The following DPY30 variants were observed in gnomAD, a reference collection of about 807,000 sequenced individuals.
DPY30 encodes the protein dpy-30 histone methyltransferase complex regulatory subunit, also known as protein dpy-30 homolog.
DPY30 carries 6 observed loss-of-function variants against 16.2 expected under a neutral mutation model. The observed-to-expected ratio is 0.37, with a 90% CI of 0.20 to 0.73. The LOEUF is 0.73. Ranked by LOEUF, DPY30 falls within the 30% of genes least tolerant of loss-of-function variation. DPY30 has a pLI of 0.51. For synonymous variants in DPY30, 39 were observed against 38.8 expected, an observed-to-expected ratio of 1.00 and a Z score of -0.02; for missense variants, 73 against 113.1, an observed-to-expected ratio of 0.65 and a Z score of 1.61.
chr2:32,039,601 G>A, intron 1 of DPY30, 109 bp from the exon 2 acceptor site: 2 of 1,045,264 alleles, frequency 1.9e-6, no homozygotes, highest in Non-Finnish European at 2.8e-6. Context: ...ACCTGGGCGC[G>A]GGAGCACCAC....
At chr2:32,015,476 G>A (rs529111036) in intron 5 of DPY30, among the ~76,000 whole-genome samples, 9 of 152,084 alleles carry the variant, frequency 5.9e-5, no homozygotes, top group South Asian at 2.1e-4. Flanking sequence ...CCAATGTTTT[G>A]TAATACAATT....
intron 3 of DPY30, among the ~76,000 whole-genome samples, chr2:32,036,877 GA>G (rs1453132413): frequency 2.0e-5 from 3 of 150,574 alleles, no homozygotes; most frequent in African/African-American, 4.9e-5. Context: ...TCAAAAAAAA[GA>G]AAAAAAACTA....
At chr2:32,034,806 C>T (rs1675674447) in intron 3 of DPY30, among the ~76,000 whole-genome samples, 1 of 151,996 alleles carries the variant, frequency 6.6e-6, no homozygotes, top group Non-Finnish European at 1.5e-5. Context: ...TGAGACCGTC[C>T]TGGCCAACAT....
At chr2:32,019,843 T>A (rs1295604714), downstream of DPY30, among the ~76,000 whole-genome samples, 5 of 143,428 alleles carry the variant, frequency 3.5e-5, no homozygotes, top group African/African-American at 1.3e-4. Context: ...AAAATATATA[T>A]ATATATATAT....
chr2:32,020,838 A>C (rs944541307), downstream of DPY30: 6 of 152,094 alleles, frequency 3.9e-5, no homozygotes, highest in African/African-American at 1.4e-4. Context: ...TGGCAGGAAA[A>C]GACATTCCTT....
At chr2:32,039,079 T>G (rs559439242) in intron 3 of DPY30, among the ~76,000 whole-genome samples, 200 bp downstream of exon 3, 1 of 152,326 alleles carries the variant, frequency 6.6e-6, no homozygotes, top group Admixed American at 6.5e-5. Context: ...TTCAATCCTT[T>G]GACTCAAACG....
chr2:32,019,957 T>C (rs542008129), downstream of DPY30, among the ~76,000 whole-genome samples: 23 of 149,032 alleles, frequency 1.5e-4, no homozygotes, highest in African/African-American at 5.6e-4. Context: ...TGTAAAAACA[T>C]ATACATATAT....
In DPY30 at chr2:32,036,643, C is replaced by G. The variant is rs1434172621; in HGVS notation, c.84+2636G>C. Reference sequence around the variant, plus strand: ...CCAAGATCACGCCACTGCACTCCAGCCTGGGCGACAGAGCAAGACTCTGTC... The same window carrying G: ...CCAAGATCACGCCACTGCACTCCAGGCTGGGCGACAGAGCAAGACTCTGTC... On this transcript the variant is annotated intron_variant, in intron 3 of 4. Coordinates refer to ENST00000342166, the MANE Select transcript of DPY30 (RefSeq NM_001321209.2). Among the ~76,000 whole-genome samples, 8 of 150,114 alleles carry G rather than the reference C, an allele frequency of 5.3e-5. No homozygotes were observed. In the East Asian group the frequency reaches 1.6e-3, roughly 29 times the overall value.
downstream of DPY30, among the ~76,000 whole-genome samples, chr2:32,021,604 A>G (rs1236702032): frequency 6.7e-6 from 1 of 148,670 alleles, no homozygotes; most frequent in Admixed American, 6.7e-5. Flanking sequence ...GCTTGAACCC[A>G]GGAGGCGGAG....
Position 32,014,917 on chromosome 2 carries a change from T to C in DPY30, n.378-2865A>G, listed in dbSNP as rs142667951. Among the ~76,000 whole-genome samples the C allele has an allele frequency of 4.2e-3, 636 of 152,278 alleles. 9 individuals carry two copies. The highest frequency in any genetic ancestry group is 0.015 in the African/African-American group (625 of 41,558). On this transcript the variant is annotated intron_variant and non_coding_transcript_variant, in intron 5 of 5. Coordinates refer to the DPY30 transcript ENST00000414013. ...TTCCATTTGTATAGAAATGAATAAT[T>C]GTATTTTCATATACTTGCATATGCA...
chr2:32,024,161 A>C lies in DPY30; in HGVS notation c.*23T>G. 1 of 1,606,552 alleles carries C rather than the reference A, an allele frequency of 6.2e-7. No individual in the cohort carries two copies. The highest frequency in any genetic ancestry group is 8.5e-7 in the Non-Finnish European group (1 of 1,176,264). ...CATGTAAATCTACAGTAGCAACTAAATTTTTCTGTTCTTCCCATTAAGTCA... is the reference window on the plus strand; with the variant it reads ...CATGTAAATCTACAGTAGCAACTAACTTTTTCTGTTCTTCCCATTAAGTCA... On this transcript the variant is annotated 3_prime_UTR_variant, in exon 5 of 5. Coordinates refer to ENST00000342166, the MANE Select transcript of DPY30 (RefSeq NM_001321209.2).
At chr2:32,012,683 C>A (rs770785759) in intron 5 of DPY30, among the ~76,000 whole-genome samples, 1 of 151,974 alleles carries the variant, frequency 6.6e-6, no homozygotes, top group African/African-American at 2.4e-5. Flanking sequence ...GGTGATCCAC[C>A]GGCCTCGGCC....
chr2:32,029,745 T>C lies in DPY30; in HGVS notation c.85-9A>G. ...TCATTTTCTACTATTCTCTAGTGAA[T>C]TCAAAAAAACAGTGCATGAACATTT... On this transcript the variant is annotated splice_polypyrimidine_tract_variant and intron_variant, in intron 3 of 4. Transcript: ENST00000342166. The C allele has an allele frequency of 1.9e-6, 3 of 1,613,310 alleles. No individual in the cohort carries two copies. Among genetic ancestry groups the C allele is most frequent in the Non-Finnish European group, 2.5e-6 (3 of 1,179,732 alleles).
chr2:32,017,826 C>A (rs192704274), intron 5 of DPY30, among the ~76,000 whole-genome samples: 79 of 152,196 alleles, frequency 5.2e-4, no homozygotes, highest in Non-Finnish European at 3.1e-4. Flanking sequence ...ATGCTGTGTT[C>A]CCCCCAAATT....
chr2:32,030,440 C>G (rs1477314563), intron 3 of DPY30, among the ~76,000 whole-genome samples: 5 of 152,022 alleles, frequency 3.3e-5, no homozygotes. Flanking sequence ...ACCATCCTGG[C>G]TAACACAGTG....
At position 32,034,561 on chromosome 2, in the gene DPY30, G is replaced by A. The variant is rs1016463065; in HGVS notation, c.84+4718C>T. 2.0e-5 allele frequency among the ~76,000 whole-genome samples: 3 copies of A among 152,116 alleles called. No individual in the cohort carries two copies. In the East Asian group the frequency reaches 5.8e-4, roughly 29 times the overall value. ...CCCATGACCCAAACACCTCCCACTAGGCCCCACCTCCAACACTGGGGGTCA... is the reference window on the plus strand; with the variant it reads ...CCCATGACCCAAACACCTCCCACTAAGCCCCACCTCCAACACTGGGGGTCA... On this transcript the variant is annotated intron_variant, in intron 3 of 4. Transcript: ENST00000342166.
downstream of DPY30, among the ~76,000 whole-genome samples, chr2:32,019,833 AAAATAT>A (rs1308689959): frequency 2.2e-5 from 3 of 136,704 alleles, no homozygotes; most frequent in Non-Finnish European, 3.1e-5. Flanking sequence ...AAAAAAAAAA[AAAATAT>A]ATATATATAT....
chr2:32,035,940 A>C (rs1675718330), intron 3 of DPY30, among the ~76,000 whole-genome samples: 1 of 150,760 alleles, frequency 6.6e-6, no homozygotes, highest in Non-Finnish European at 1.5e-5. Flanking sequence ...CTCGAAGAAA[A>C]AAAAAAAAAA....
At chr2:32,022,746 G>A (rs1675213393), downstream of DPY30, among the ~76,000 whole-genome samples, 1 of 151,838 alleles carries the variant, frequency 6.6e-6, no homozygotes, top group Non-Finnish European at 1.5e-5. Context: ...TCGAACTCCT[G>A]ACCTTGTGAT....
Sources: gnomAD v4.1 joint callset for allele counts (sites outside exome capture counted in the v4.1 genomes callset) on GRCh38, gnomAD v4.1.1 for gene constraint, MANE v1.5 for transcripts, NCBI Gene and HGNC (gene_info 2026-07-23, HGNC 2026-07-21) for gene names.